CEP164: variants seen among roughly 807,000 people sequenced by gnomAD.
CEP164 encodes the protein centrosomal protein 164.
CEP164 carries 162 observed loss-of-function variants against 182.7 expected under a neutral mutation model. The ratio of observed to expected loss-of-function variants is 0.89; its 90% CI spans 0.78 to 1.01. The LOEUF (loss-of-function observed/expected upper bound fraction) is 1.01, where lower values mean the gene tolerates loss of function less well. Among genes scored for constraint, CEP164 ranks in the 50% least tolerant of loss-of-function variants. The pLI is 0.00. For missense variants in CEP164, 1,735 were observed against 1,790.4 expected, an observed-to-expected ratio of 0.97 and a Z score of 0.56; for synonymous variants, 661 against 690.0, an observed-to-expected ratio of 0.96 and a Z score of 0.66.
chr11:117,399,351 T>G (rs939797610), intron 27 of CEP164, among the ~76,000 whole-genome samples: 5 of 152,234 alleles, frequency 3.3e-5, no homozygotes, highest in African/African-American at 1.2e-4. Context: ...CCATGGTGTA[T>G]ATGTGCCACA....
chr11:117,356,065 G>A (rs2040259736), intron 5 of CEP164: 36 of 1,102,952 alleles, frequency 3.3e-5, no homozygotes, highest in Non-Finnish European at 4.0e-5. Flanking sequence ...TCCTGGATGA[G>A]GTGAACAACT....
intron 15 of CEP164, 63 bp downstream of exon 15, chr11:117,387,475 A>G: frequency 6.5e-7 from 1 of 1,529,728 alleles, no homozygotes; most frequent in South Asian, 1.2e-5. Flanking sequence ...AGCCAGGGAC[A>G]CCCTCTTAGC....
intron 4 of CEP164, among the ~76,000 whole-genome samples, chr11:117,350,489 A>G (rs1006342630): frequency 9.2e-5 from 14 of 152,010 alleles, no homozygotes; most frequent in African/African-American, 3.4e-4. Context: ...TTTGATTTGC[A>G]TTTTCCCAGT....
rs1464748219 is a variant in CEP164 at position 117,408,668 on chromosome 11, A to G, written c.3610-222A>G. 8.6e-6 allele frequency: 5 copies of G among 579,478 alleles called. No individual in the cohort carries two copies. In the African/African-American group the frequency reaches 9.4e-5, roughly 11 times the overall value. The allele number at this position is 579,478 out of a possible 1,614,324, so 35.9% of individuals were successfully genotyped here. A position where few individuals can be genotyped will look rare whatever the true frequency, so the allele number is the denominator to read the frequency against. ...CAAGTCCTCAGTTCCCACACATCAC[A>G]AGGGCGACAGCCTACATACCACCTT... On this transcript the variant is annotated intron_variant, in intron 28 of 32. Coordinates refer to ENST00000278935, the MANE Select transcript of CEP164 (RefSeq NM_014956.5).
intron 4 of CEP164, among the ~76,000 whole-genome samples, chr11:117,347,870 T>C (rs1022191203): frequency 6.6e-6 from 1 of 152,232 alleles, no homozygotes; most frequent in Admixed American, 6.5e-5. Flanking sequence ...TTTTTTTAAA[T>C]GTCTCTAGGA....
rs1273241994 is a variant in CEP164 at position 117,381,752 on chromosome 11, C to G, written c.1461C>G (p.Ser487Arg). The part of the protein sequence containing the change: ...HEERAQSPPR[S>R]LATEEEPPQG... ...AGCGGGCCCAGAGTCCCCCTCGCAGCCTGGCCACTGAAGAAGAGCCTCCCC... is the reference window on the plus strand; with the variant it reads ...AGCGGGCCCAGAGTCCCCCTCGCAGGCTGGCCACTGAAGAAGAGCCTCCCC... The change falls in exon 13 of 33, where the codon AGC becomes AGG. Residue 487 changes from serine (S) to arginine (R), a missense_variant. Ser to Arg is a moderately radical substitution (Grantham distance 110, BLOSUM62 -1). Transcript: ENST00000278935. 1 of 1,609,336 alleles carries G rather than the reference C, an allele frequency of 6.2e-7. No homozygotes were observed.
chr11:117,333,801 G>A (rs897218513), intron 1 of CEP164, among the ~76,000 whole-genome samples: 1 of 152,028 alleles, frequency 6.6e-6, no homozygotes, highest in Admixed American at 6.5e-5. Context: ...CTCCCAAAGT[G>A]CTGAGATTGC....
chr11:117,397,000 CAG>C, intron 26 of CEP164, 89 bp from the exon 27 acceptor site: 2 of 1,176,182 alleles, frequency 1.7e-6, no homozygotes, highest in Non-Finnish European at 1.2e-6. Context: ...GGTCTGTGCT[CAG>C]GGTTGGCATC....
chr11:117,391,410 C>G (rs935732551), intron 17 of CEP164, among the ~76,000 whole-genome samples, 195 bp downstream of exon 17: 6 of 151,968 alleles, frequency 3.9e-5, no homozygotes, highest in African/African-American at 1.2e-4. Flanking sequence ...CCATATGGAC[C>G]GAATCGGCTC....
chr11:117,350,307 A>G (rs2039461792), intron 4 of CEP164, among the ~76,000 whole-genome samples: 2 of 151,926 alleles, frequency 1.3e-5, no homozygotes, highest in South Asian at 2.1e-4. Flanking sequence ...GGCTCAAACA[A>G]TCCTCCCACC....
At chr11:117,322,636 A>C (rs1271530064) in intron 1 of CEP164, among the ~76,000 whole-genome samples, 1 of 150,676 alleles carries the variant, frequency 6.6e-6, no homozygotes, top group Non-Finnish European at 1.5e-5. Context: ...GCTCACTGAA[A>C]CCTCTGCCTC....
At chr11:117,373,991 A>C (rs966074066) in intron 10 of CEP164, among the ~76,000 whole-genome samples, 160 bp downstream of exon 10, 1 of 152,220 alleles carries the variant, frequency 6.6e-6, no homozygotes, top group African/African-American at 2.4e-5. Flanking sequence ...CCATTAACTA[A>C]GGGTAATACT....
rs921440647 is a variant in CEP164, at chr11:117,362,476, C to G, written c.625C>G (p.Leu209Val). The G allele has an allele frequency of 7.4e-6, 12 of 1,613,664 alleles. No individual in the cohort carries two copies. The highest frequency in any genetic ancestry group is 1.0e-5 in the Non-Finnish European group (12 of 1,179,964). Residue 209 changes from leucine to valine, a missense_variant, in exon 7 of 33, where the codon CTC becomes GTC. Leu to Val is a conservative substitution (Grantham distance 32). Coordinates refer to ENST00000278935, the MANE Select transcript of CEP164 (RefSeq NM_014956.5). ...CTCCATATATGAGGACAAGACTGCT[C>G]TCAGCCTCTTGGGTTTAGGAGAAGA... The part of the protein sequence containing the change: ...LGSIYEDKTA[L>V]SLLGLGEETN...
At position 117,391,167 on chromosome 11, in the gene CEP164, G is replaced by GA; in HGVS notation, c.2237dup (p.Ala747GlyfsTer27). 1.2e-6 allele frequency: 2 copies of GA among 1,613,310 alleles called. No homozygotes were observed. The highest frequency in any genetic ancestry group is 1.7e-6 in the Non-Finnish European group (2 of 1,179,890). On this transcript the variant is annotated frameshift_variant, in exon 17 of 33. Coordinates refer to ENST00000278935, the MANE Select transcript of CEP164 (RefSeq NM_014956.5). LOFTEE classifies it high-confidence loss of function. ...AGGCTGCCCTGAATGCTGCAAAGGA[G>GA]AAGGCTCTGCAGCAGCTGAGGGAGC...
chr11:117,357,798 C>G (rs535077180), intron 5 of CEP164, among the ~76,000 whole-genome samples: 1 of 152,192 alleles, frequency 6.6e-6, no homozygotes, highest in African/African-American at 2.4e-5. Context: ...TGCTCTTTGC[C>G]TCCTAGGGTC....
intron 30 of CEP164, chr11:117,410,174 T>G: frequency 1.5e-6 from 1 of 678,242 alleles, no homozygotes; most frequent in South Asian, 1.6e-5. Flanking sequence ...CAGGTGGCCC[T>G]GCAGCCAGGA....
chr11:117,396,707 G>A, intron 26 of CEP164, 96 bp downstream of exon 26: 1 of 989,846 alleles, frequency 1.0e-6, no homozygotes, highest in South Asian at 1.3e-5. Flanking sequence ...GAAGTGAGGA[G>A]ACGGTGATCA....
Position 117,389,926 on chromosome 11 carries a change from G to A in CEP164, c.1935-851G>A, listed in dbSNP as rs1482457243. 4.7e-5 allele frequency among the ~76,000 whole-genome samples: 7 copies of A among 148,880 alleles called. No homozygotes were observed. The South Asian group carries it at 1.1e-3, about 23-fold the overall frequency. ...AGTGCTGTACTACCAAAACCCAGAA[G>A]CCAGTAGTTTGCTTTTTTTTTTTTT... is the stretch of plus-strand genomic sequence containing the variant. On this transcript the variant is annotated intron_variant, in intron 15 of 32. Coordinates refer to ENST00000278935, the MANE Select transcript of CEP164 (RefSeq NM_014956.5).
In CEP164 at chr11:117,397,089, A is replaced by G; in HGVS notation, c.3279-2A>G. The G allele has an allele frequency of 6.2e-7, 1 of 1,613,472 alleles. No individual in the cohort carries two copies. The highest frequency in any genetic ancestry group is 8.5e-7 in the Non-Finnish European group (1 of 1,179,664). On this transcript the variant is annotated splice_acceptor_variant, in intron 26 of 32. Coordinates refer to ENST00000278935, the MANE Select transcript of CEP164 (RefSeq NM_014956.5). LOFTEE classifies it high-confidence loss of function. ...TTTCCTTCTTCAACTCTCCTGCTCC[A>G]GCCTGTCCTCCCACAATGTCTGGCA...
Sources: gnomAD v4.1 joint callset for allele counts (sites outside exome capture counted in the v4.1 genomes callset) on GRCh38, gnomAD v4.1.1 for gene constraint, MANE v1.5 for transcripts, NCBI Gene and HGNC (gene_info 2026-07-23, HGNC 2026-07-21) for gene names.